The following DECR2 variants were observed in gnomAD, a reference collection of about 807,000 sequenced individuals.
DECR2 encodes the protein peroxisomal 2,4-dienoyl-CoA reductase [(3E)-enoyl-CoA-producing].
DECR2 carries 34 observed loss-of-function variants against 29.2 expected under a neutral mutation model. The ratio of observed to expected loss-of-function variants is 1.16; its 90% confidence interval spans 0.89 to 1.55. DECR2 has a LOEUF of 1.55. Ranked by LOEUF, DECR2 falls within the 40% of genes most tolerant of loss-of-function variation. The pLI, the probability that DECR2 is intolerant of heterozygous loss-of-function variation, is 0.00. For missense variants in DECR2, 485 were observed against 425.3 expected (o/e 1.14, Z -1.23); for synonymous variants, 224 against 182.7 (o/e 1.23, Z -1.82).
Position 410,884 on chromosome 16 carries a change from C to A in DECR2, c.557-88C>A, listed in dbSNP as rs2054810286. The stretch of plus-strand genomic sequence containing the variant: ...CAGCAGTCTCCACTTGAAGCTGAGC[C>A]CAGCTGCAGGCAGCGAGACCTGGCC... On this transcript the variant is annotated intron_variant, in intron 6 of 8. Transcript: ENST00000219481. This position sits in a 1 kb window ranked among gnomAD's most constrained non-coding sequence, Gnocchi z 4.1. The A allele has an allele frequency of 1.3e-6, 2 of 1,525,360 alleles. No individual in the cohort carries two copies. The highest frequency in any genetic ancestry group is 2.0e-5 in the Admixed American group (1 of 50,032). The allele number at this position is 1,525,360 out of a possible 1,614,324, so 94.5% of individuals were successfully genotyped here. A position where few individuals can be genotyped will look rare whatever the true frequency, so the allele number is the denominator to read the frequency against.
At chr16:403,304 G>GCCACC (rs1348958618) in intron 1 of DECR2, among the ~76,000 whole-genome samples, 2 of 152,170 alleles carry the variant, frequency 1.3e-5, no homozygotes, top group African/African-American at 4.8e-5. Flanking sequence ...ACAGGAGTGA[G>GCCACC]ACGCTGCACC....
At chr16:403,584 T>C (rs2054692185) in intron 1 of DECR2, among the ~76,000 whole-genome samples, 1 of 152,226 alleles carries the variant, frequency 6.6e-6, no homozygotes, top group Non-Finnish European at 1.5e-5. Flanking sequence ...TATTTTTCTC[T>C]CTTGTATCTA....
chr16:410,129 G>C lies in DECR2; in HGVS notation c.338-114G>C, dbSNP rs2054793032. The C allele has an allele frequency of 6.9e-7, 1 of 1,447,752 alleles. No homozygotes were observed. The highest frequency in any genetic ancestry group is 1.3e-5 in the South Asian group (1 of 75,702). The allele number at this position is 1,447,752 out of a possible 1,614,324, so 89.7% of individuals were successfully genotyped here. A position where few individuals can be genotyped will look rare whatever the true frequency, so the allele number is the denominator to read the frequency against. On this transcript the variant is annotated intron_variant, in intron 4 of 8. Coordinates refer to ENST00000219481, the MANE Select transcript of DECR2 (RefSeq NM_020664.4). This position sits in a 1 kb window ranked among gnomAD's most constrained non-coding sequence, Gnocchi z 4.1. ...CCTAGGGCATGGGTCTCCTCCCTGT[G>C]CCACAGGGCACCTGGGCTCCCTCCT...
chr16:403,938 C>T (rs1260809158), intron 1 of DECR2, among the ~76,000 whole-genome samples: 1 of 152,006 alleles, frequency 6.6e-6, no homozygotes, highest in Non-Finnish European at 1.5e-5. Context: ...CTTTGGGAGG[C>T]CGAGGTGGGT....
chr16:410,455 G>C lies in DECR2; in HGVS notation c.462+88G>C. 6.4e-7 allele frequency: 1 copy of C among 1,566,274 alleles called. No homozygotes were observed. Among genetic ancestry groups the C allele is most frequent in the Non-Finnish European group, 8.7e-7 (1 of 1,154,758 alleles). The stretch of plus-strand genomic sequence containing the variant: ...AAGTTCTTCCGGGTGGGTGCCTTGT[G>C]CGCTCTGTGAGAAGTTCTTCCGGGT... On this transcript the variant is annotated intron_variant, in intron 5 of 8. Transcript: ENST00000219481. The surrounding 1 kb of genome is among the most constrained non-coding windows in gnomAD (Gnocchi z 4.1).
At chr16:404,851 A>G in intron 1 of DECR2, 105 bp from the exon 2 acceptor site, 3 of 1,058,616 alleles carry the variant, frequency 2.8e-6, no homozygotes, top group African/African-American at 1.6e-5. Flanking sequence ...GCTGGTCTCG[A>G]TCTCCTGACC....
At chr16:407,393 GGCT>G in intron 3 of DECR2, 29 bp from the exon 4 acceptor site, 1 of 1,589,566 alleles carries the variant, frequency 6.3e-7, no homozygotes, top group Non-Finnish European at 8.5e-7. Flanking sequence ...GAGGCTGCAG[GGCT>G]GCTGTCTGCC....
intron 4 of DECR2, chr16:409,951 A>C: frequency 2.3e-6 from 1 of 427,460 alleles, no homozygotes. Context: ...ATTCGTTGTG[A>C]CTTCAGTGTA....
chr16:404,790 C>T (rs2054705582), intron 1 of DECR2, among the ~76,000 whole-genome samples, 166 bp from the exon 2 acceptor site: 1 of 152,076 alleles, frequency 6.6e-6, no homozygotes, highest in South Asian at 2.1e-4. Context: ...CCACCACGCC[C>T]AGCTGATTTT....
Position 411,070 on chromosome 16 carries a change from C to T in DECR2, c.655C>T (p.Arg219Ter), listed in dbSNP as rs757267700. The T allele has an allele frequency of 2.6e-6, 4 of 1,539,674 alleles. No individual in the cohort carries two copies. The Admixed American group carries it at 6.3e-5, about 24-fold the overall frequency. The change falls in exon 7 of 9, where the codon CGA becomes TGA. Residue 219 changes from arginine to a stop codon, truncating the protein, a stop_gained. Transcript: ENST00000219481. LOFTEE classifies it high-confidence loss of function. ...GPISGTEGLR[R>*]LGGPQASLST... ...CATCAGTGGCACAGAGGGGCTCCGG[C>T]GACTGGGTAAGGCTCTCAGGGAGCC...
At chr16:409,734 G>A (rs2141815632) in intron 4 of DECR2, 1 of 153,602 alleles carries the variant, frequency 6.5e-6, no homozygotes, top group African/African-American at 2.4e-5. Context: ...CAAGGGGAAG[G>A]CGTCGGCAGA....
chr16:410,602 CGGGCCT>C lies in DECR2; in HGVS notation c.463-88_463-83del. On this transcript the variant is annotated intron_variant, in intron 5 of 8. Transcript: ENST00000219481. This position sits in a 1 kb window ranked among gnomAD's most constrained non-coding sequence, Gnocchi z 4.1. Reference sequence around the variant, plus strand: ...CCTGACGGCCGCCCGCTCCCTGCCCCGGGCCTCCCCCTGACAGCCACCCGCTCACTG... The same window carrying C: ...CCTGACGGCCGCCCGCTCCCTGCCCCCCCCCTGACAGCCACCCGCTCACTG... 8.8e-7 allele frequency: 1 copy of C among 1,137,536 alleles called. No homozygotes were observed. Among genetic ancestry groups the C allele is most frequent in the Non-Finnish European group, 1.2e-6 (1 of 832,432 alleles). The allele number at this position is 1,137,536 out of a possible 1,614,324, so 70.5% of individuals were successfully genotyped here. A position where few individuals can be genotyped will look rare whatever the true frequency, so the allele number is the denominator to read the frequency against.
intron 8 of DECR2, 77 bp downstream of exon 8, chr16:411,655 A>G: frequency 6.7e-7 from 1 of 1,483,136 alleles, no homozygotes; most frequent in Non-Finnish European, 9.1e-7. Flanking sequence ...TCTCTGCGGG[A>G]CCCACGGGGC....
chr16:407,791 T>TC (rs1159325787), intron 4 of DECR2, among the ~76,000 whole-genome samples: 1 of 1,486 alleles, frequency 6.7e-4, no homozygotes, highest in Non-Finnish European at 2.1e-3. Context: ...GGCCTCTGTC[T>TC]CCGGGCTCTG....
Position 411,596 on chromosome 16 carries a change from C to A in DECR2, c.*18C>A, listed in dbSNP as rs182040140. On this transcript the variant is annotated intron_variant, in intron 8 of 8. Coordinates refer to ENST00000219481, the MANE Select transcript of DECR2 (RefSeq NM_020664.4). ...AGCTCTAGGTGAGGTACTGCTCCCGCTTCTTGGGGTCATCTGTGTCCTTGG... is the reference window on the plus strand; with the variant it reads ...AGCTCTAGGTGAGGTACTGCTCCCGATTCTTGGGGTCATCTGTGTCCTTGG... 230 of 1,596,122 alleles carry A rather than the reference C, an allele frequency of 1.4e-4. No homozygotes were observed. The East Asian group carries it at 4.9e-3, about 34-fold the overall frequency.
Position 411,022 on chromosome 16 carries a change from G to A in DECR2, c.607G>A (p.Val203Ile), listed in dbSNP as rs764398582. 2.9e-5 allele frequency: 46 copies of A among 1,600,310 alleles called. No individual in the cohort carries two copies. Among genetic ancestry groups the A allele is most frequent in the African/African-American group, 5.4e-5 (4 of 74,636 alleles). Residue 203 changes from valine (V) to isoleucine (I), a missense_variant, in exon 7 of 9, where the codon GTC becomes ATC. Physicochemically the swap from Val to Ile is conservative, Grantham distance 29. Coordinates refer to ENST00000219481, the MANE Select transcript of DECR2 (RefSeq NM_020664.4). ...GGAGTGGGGTCCCCAAAACATCCGC[G>A]TCAACAGCCTCGCCCCTGGCCCCAT... ...AVEWGPQNIR[V>I]NSLAPGPISG...
chr16:410,565 C>T lies in DECR2; in HGVS notation c.463-126C>T, dbSNP rs2054803267. 3 of 1,390,184 alleles carry T rather than the reference C, an allele frequency of 2.2e-6. No individual in the cohort carries two copies. The highest frequency in any genetic ancestry group is 2.5e-4 in the Middle Eastern group (1 of 4,018). 86.1% of individuals were successfully genotyped at this position (1,390,184 alleles called of 1,614,324 possible). A position where few individuals can be genotyped will look rare whatever the true frequency, so the allele number is the denominator to read the frequency against. ...CCCATGACGGCCGCCCGCTCCCTGC[C>T]CTGGGCCTCCCCCTGACGGCCGCCC... On this transcript the variant is annotated intron_variant, in intron 5 of 8. Coordinates refer to ENST00000219481, the MANE Select transcript of DECR2 (RefSeq NM_020664.4). This position sits in a 1 kb window ranked among gnomAD's most constrained non-coding sequence, Gnocchi z 4.1.
intron 4 of DECR2, among the ~76,000 whole-genome samples, chr16:408,013 CCCCCTGTCTCCGGG>C (rs1555495535): frequency 2.2e-5 from 1 of 45,296 alleles, no homozygotes; most frequent in Admixed American, 1.9e-4. Context: ...CTGTCTCCGG[CCCCCTGTCTCCGGG>C]CCCCTGTCTC....
intron 1 of DECR2, among the ~76,000 whole-genome samples, chr16:403,969 C>G (rs1452093690): frequency 1.3e-5 from 2 of 151,768 alleles, no homozygotes; most frequent in Non-Finnish European, 2.9e-5. Context: ...GTCAGGAGAT[C>G]GAGACCATCC....
Sources: allele counts gnomAD v4.1 joint callset (sites outside exome capture counted in the v4.1 genomes callset), GRCh38; gene constraint gnomAD v4.1.1; non-coding constraint Gnocchi (gnomAD v3.1); transcripts MANE v1.5; gene names NCBI Gene and HGNC (gene_info 2026-07-23, HGNC 2026-07-21).